The following MYO18B variants were observed in gnomAD, a reference collection of about 807,000 sequenced individuals.
MYO18B encodes myosin XVIIIB.
A neutral mutation model predicts 273.0 loss-of-function variants in MYO18B; 204 were observed. The ratio of observed to expected loss-of-function variants is 0.75; its 90% confidence interval spans 0.67 to 0.84. The LOEUF is 0.84. Ranked by LOEUF, MYO18B falls within the 40% of genes least tolerant of loss-of-function variation. The pLI, the probability that MYO18B is intolerant of heterozygous loss-of-function variation, is 0.00. For synonymous variants in MYO18B, 1,330 were observed against 1,305.7 expected (o/e 1.02, Z -0.40); for missense variants, 3,212 against 3,287.6 (o/e 0.98, Z 0.56).
At chr22:26,017,148 T>A (rs1935419402) in intron 42 of MYO18B, among the ~76,000 whole-genome samples, 1 of 134,536 alleles carries the variant, frequency 7.4e-6, no homozygotes. Flanking sequence ...ACTCCCTCCC[T>A]CCCTCCTTCT....
In MYO18B at chr22:25,780,132, C is replaced by A; in HGVS notation, c.2145C>A (p.Thr715=). ...SVSMAHSRSA[T]RFSMVMSLDF... is the part of the protein sequence containing the mutation. ...CCATGGCCCACAGCCGCAGTGCCAC[C>A]CGGTTCTCCATGGTGATGTCGCTGG... Residue 715 remains threonine (T), a synonymous_variant, in exon 9 of 44, where the codon ACC becomes ACA. Coordinates refer to ENST00000335473, the MANE Select transcript of MYO18B (RefSeq NM_032608.7). 1.2e-6 allele frequency: 2 copies of A among 1,605,536 alleles called. No individual in the cohort carries two copies. Among genetic ancestry groups the A allele is most frequent in the Non-Finnish European group, 1.7e-6 (2 of 1,176,898 alleles).
At chr22:25,889,850 G>A (rs2146272556) in intron 25 of MYO18B, among the ~76,000 whole-genome samples, 1 of 152,206 alleles carries the variant, frequency 6.6e-6, no homozygotes, top group African/African-American at 2.4e-5. Context: ...AATTACATGT[G>A]TAATTTAAAT....
intron 7 of MYO18B, among the ~76,000 whole-genome samples, chr22:25,776,075 C>T (rs896123182): frequency 2.6e-5 from 4 of 152,170 alleles, no homozygotes; most frequent in Non-Finnish European, 4.4e-5. Context: ...CCCTGGTAGC[C>T]ACTGATCTGT....
chr22:25,890,067 C>T (rs1021304103), intron 25 of MYO18B, among the ~76,000 whole-genome samples: 1 of 152,204 alleles, frequency 6.6e-6, no homozygotes, highest in African/African-American at 2.4e-5. Context: ...AAGCAGCTTA[C>T]CTTTATTAAT....
intron 12 of MYO18B, 43 bp downstream of exon 12, chr22:25,798,140 C>T (rs1055215565): frequency 6.4e-7 from 1 of 1,555,938 alleles, no homozygotes; most frequent in Non-Finnish European, 8.7e-7. Flanking sequence ...GCAGCTGTCT[C>T]CTTTGGCAGG....
At chr22:25,996,563 G>C (rs1212849691) in intron 40 of MYO18B, among the ~76,000 whole-genome samples, 3 of 151,914 alleles carry the variant, frequency 2.0e-5, no homozygotes, top group Non-Finnish European at 1.5e-5. Flanking sequence ...ATGGTGGAGT[G>C]TGTGTGTGTG....
the MYO18B span, among the ~76,000 whole-genome samples, chr22:26,060,870 C>T: frequency 4.5e-4 from 47 of 104,600 alleles, no homozygotes; most frequent in African/African-American, 3.6e-3. Flanking sequence ...TACACAAACA[C>T]ACAGTTTTAC....
intron 40 of MYO18B, among the ~76,000 whole-genome samples, chr22:25,994,907 A>G (rs9620581): frequency 0.01 from 1,554 of 152,360 alleles, 27 homozygotes; most frequent in African/African-American, 0.036. Flanking sequence ...TTTCACTTGC[A>G]TAGCAAGAGA....
chr22:26,059,751 A>T, the MYO18B span, among the ~76,000 whole-genome samples: 1 of 152,218 alleles, frequency 6.6e-6, no homozygotes. Context: ...CTGCAATGAG[A>T]GATCAGCCCT....
intron 10 of MYO18B, 76 bp from the exon 11 acceptor site, chr22:25,785,352 C>A (rs1052868705): frequency 6.9e-7 from 1 of 1,444,064 alleles, no homozygotes; most frequent in Non-Finnish European, 9.5e-7. Context: ...TGGAGCCTCA[C>A]ACTGTGACGA....
intron 3 of MYO18B, among the ~76,000 whole-genome samples, chr22:25,767,851 A>C (rs2086562329): frequency 7.0e-6 from 1 of 143,826 alleles, no homozygotes; most frequent in African/African-American, 2.6e-5. Flanking sequence ...TCACACAGCT[A>C]TAGAGTGTCA....
chr22:25,953,914 C>T (rs2092819839), intron 38 of MYO18B, among the ~76,000 whole-genome samples: 1 of 152,146 alleles, frequency 6.6e-6, no homozygotes, highest in South Asian at 2.1e-4. Context: ...TCCACTCTTC[C>T]TGCTGTTCTT....
intron 31 of MYO18B, among the ~76,000 whole-genome samples, chr22:25,905,250 C>T (rs2092018903): frequency 6.6e-6 from 1 of 152,058 alleles, no homozygotes; most frequent in African/African-American, 2.4e-5. Flanking sequence ...AGTATCAAGA[C>T]ATGTGGGTGG....
intron 8 of MYO18B, among the ~76,000 whole-genome samples, chr22:25,777,995 C>T (rs767327120): frequency 1.1e-4 from 16 of 152,174 alleles, no homozygotes; most frequent in Admixed American, 3.9e-4. Context: ...AAGACATTGA[C>T]GGCCGTTTGC....
At chr22:25,859,519 T>C (rs576330440) in intron 21 of MYO18B, among the ~76,000 whole-genome samples, 16 of 152,208 alleles carry the variant, frequency 1.1e-4, no homozygotes, top group Admixed American at 2.0e-4. Context: ...GGTTTCATTT[T>C]CTATCCTTAT....
chr22:25,895,313 T>G, intron 28 of MYO18B, 33 bp downstream of exon 28: 1 of 1,568,094 alleles, frequency 6.4e-7, no homozygotes. Flanking sequence ...GCCACAGAAG[T>G]GTTAGAGAGT....
chr22:26,059,018 C>T, the MYO18B span, among the ~76,000 whole-genome samples: 37 of 152,124 alleles, frequency 2.4e-4, no homozygotes, highest in Non-Finnish European at 4.4e-5. Context: ...TGCCTCTTCA[C>T]CTTTTTAAAA....
intron 7 of MYO18B, 102 bp from the exon 8 acceptor site, chr22:25,777,481 G>C: frequency 1.8e-6 from 2 of 1,134,350 alleles, no homozygotes; most frequent in East Asian, 2.9e-5. Flanking sequence ...TCTGGAGGCA[G>C]GGACACAGAT....
At chr22:25,954,203 A>T (rs2092822749) in intron 38 of MYO18B, among the ~76,000 whole-genome samples, 1 of 152,128 alleles carries the variant, frequency 6.6e-6, no homozygotes, top group African/African-American at 2.4e-5. Flanking sequence ...GGCACTCGTG[A>T]TGGCCAAAGC....
Sources: gnomAD v4.1 joint callset for allele counts (sites outside exome capture counted in the v4.1 genomes callset) on GRCh38, gnomAD v4.1.1 for gene constraint, MANE v1.5 for transcripts, NCBI Gene and HGNC (gene_info 2026-07-23, HGNC 2026-07-21) for gene names.